DSCAM: variants seen among roughly 807,000 people sequenced by gnomAD.
DSCAM encodes the protein DS cell adhesion molecule, also known as cell adhesion molecule DSCAM.
DSCAM carries 47 observed loss-of-function variants against 217.7 expected under a neutral mutation model. That is an observed-to-expected ratio of 0.22 (90% CI 0.17 to 0.28). DSCAM has a LOEUF of 0.28. Among genes scored for constraint, DSCAM ranks in the 10% least tolerant of loss-of-function variants. The pLI is 1.00. For missense variants in DSCAM, 2,080 were observed against 2,618.3 expected (o/e 0.79, Z 4.49); for synonymous variants, 1,056 against 1,015.3 (o/e 1.04, Z -0.76).
chr21:40,190,831 C>T (rs2090945866), intron 11 of DSCAM, among the ~76,000 whole-genome samples: 1 of 152,212 alleles, frequency 6.6e-6, no homozygotes, highest in Non-Finnish European at 1.5e-5. Flanking sequence ...GATTGAGAAC[C>T]AGCCTCCCAG....
intron 9 of DSCAM, among the ~76,000 whole-genome samples, chr21:40,308,646 A>G (rs141777879): frequency 6.9e-4 from 105 of 152,126 alleles, no homozygotes; most frequent in African/African-American, 2.3e-3. Flanking sequence ...TGGGCTCTGC[A>G]CTCTCTGTCA....
chr21:40,356,802 CA>C (rs2074698341), intron 4 of DSCAM, among the ~76,000 whole-genome samples: 1 of 152,114 alleles, frequency 6.6e-6, no homozygotes, highest in African/African-American at 2.4e-5. Context: ...ACAATAACAT[CA>C]AAAAATCATT....
At chr21:40,702,980 T>C (rs955304297) in intron 2 of DSCAM, among the ~76,000 whole-genome samples, 5 of 152,230 alleles carry the variant, frequency 3.3e-5, no homozygotes, top group Middle Eastern at 3.2e-3. Flanking sequence ...ACCTAAGACA[T>C]TGTTACTATT....
In DSCAM at chr21:40,497,396, C is replaced by T. The variant is rs558352827; in HGVS notation, c.509-128151G>A. On this transcript the variant is annotated intron_variant, in intron 3 of 32. Coordinates refer to ENST00000400454, the MANE Select transcript of DSCAM (RefSeq NM_001389.5). ...ACACAAATGACAAACACTGCTTGAT[C>T]TCATATGTGAAATCTAAAAGAATTA... 3.3e-5 allele frequency among the ~76,000 whole-genome samples: 5 copies of T among 149,680 alleles called. No individual in the cohort carries two copies. In the South Asian group the frequency reaches 1.1e-3, roughly 32 times the overall value.
intron 1 of DSCAM, among the ~76,000 whole-genome samples, chr21:40,733,167 C>T (rs2091029885): frequency 1.3e-5 from 2 of 152,254 alleles, no homozygotes; most frequent in East Asian, 1.9e-4. Context: ...TTGCTGCACT[C>T]GTAAATAACC....
At chr21:40,181,882 C>T (rs569842591) in intron 14 of DSCAM, among the ~76,000 whole-genome samples, 10 of 151,796 alleles carry the variant, frequency 6.6e-5, no homozygotes, top group South Asian at 2.1e-4. Flanking sequence ...GAAGCATTCA[C>T]GAAAGAGTGG....
At chr21:40,423,249 G>C (rs919273524) in intron 3 of DSCAM, among the ~76,000 whole-genome samples, 1 of 152,156 alleles carries the variant, frequency 6.6e-6, no homozygotes, top group Non-Finnish European at 1.5e-5. Context: ...CCAAAATTTT[G>C]AGTCACGATG....
At position 40,052,364 on chromosome 21, in the gene DSCAM, G is replaced by A. The variant is rs146435567; in HGVS notation, c.5036-257C>T. On this transcript the variant is annotated intron_variant, in intron 29 of 32. Transcript: ENST00000400454. ...AGAACCATGACTATGCAGAGAAGGA[G>A]CTCTCTTTTCTCTTTGGGCTTGGCT... is the stretch of plus-strand genomic sequence containing the variant. 3.3e-5 allele frequency among the ~76,000 whole-genome samples: 5 copies of A among 152,308 alleles called. No individual in the cohort carries two copies. In the East Asian group the frequency reaches 7.7e-4, roughly 24 times the overall value.
intron 1 of DSCAM, among the ~76,000 whole-genome samples, chr21:40,745,040 C>T (rs1421712815): frequency 6.6e-6 from 1 of 151,942 alleles, no homozygotes; most frequent in Non-Finnish European, 1.5e-5. Context: ...AAAGCTTATT[C>T]GAAATCTTCA....
intron 3 of DSCAM, among the ~76,000 whole-genome samples, chr21:40,522,168 G>C (rs1214781376): frequency 6.6e-6 from 1 of 152,138 alleles, no homozygotes; most frequent in African/African-American, 2.4e-5. Flanking sequence ...ATTAAGGAGT[G>C]AGATAGAAAT....
intron 3 of DSCAM, among the ~76,000 whole-genome samples, chr21:40,519,413 T>A (rs185870333): frequency 2.6e-5 from 4 of 152,124 alleles, no homozygotes; most frequent in Non-Finnish European, 5.9e-5. Flanking sequence ...CACAAGGTAA[T>A]GGTATTAGGA....
At chr21:40,263,916 A>G (rs917180850) in intron 11 of DSCAM, among the ~76,000 whole-genome samples, 2 of 152,182 alleles carry the variant, frequency 1.3e-5, no homozygotes, top group Non-Finnish European at 2.9e-5. Flanking sequence ...TGAGACTACT[A>G]TGAACACCAC....
intron 1 of DSCAM, among the ~76,000 whole-genome samples, chr21:40,745,092 A>G (rs1309001136): frequency 6.6e-6 from 1 of 152,180 alleles, no homozygotes; most frequent in African/African-American, 2.4e-5. Context: ...GACAGAACAT[A>G]TAAAATTACC....
chr21:40,295,028 A>G (rs182591778), intron 10 of DSCAM, among the ~76,000 whole-genome samples: 98 of 152,298 alleles, frequency 6.4e-4, no homozygotes, highest in South Asian at 2.1e-3. Flanking sequence ...CAAATGTACC[A>G]TTTATTTTTC....
intron 3 of DSCAM, among the ~76,000 whole-genome samples, chr21:40,684,792 A>C (rs1423465317): frequency 6.6e-6 from 1 of 152,214 alleles, no homozygotes; most frequent in African/African-American, 2.4e-5. Flanking sequence ...ATTCTTTCCT[A>C]AATGATCCTG....
At chr21:40,419,324 G>C (rs1180233595) in intron 3 of DSCAM, among the ~76,000 whole-genome samples, 1 of 152,072 alleles carries the variant, frequency 6.6e-6, no homozygotes, top group African/African-American at 2.4e-5. Context: ...ATAAAATCCT[G>C]TGTTTTCAGA....
chr21:40,282,590 C>CAAGAAAAAAAA (rs2073776612), intron 10 of DSCAM, among the ~76,000 whole-genome samples: 1 of 32,952 alleles, frequency 3.0e-5, no homozygotes, highest in African/African-American at 5.8e-5. Flanking sequence ...GACTCTGTCT[C>CAAGAAAAAAAA]AAAAAAAAAA....
At chr21:40,721,803 C>G (rs2090903413) in intron 1 of DSCAM, among the ~76,000 whole-genome samples, 2 of 151,936 alleles carry the variant, frequency 1.3e-5, no homozygotes, top group African/African-American at 4.8e-5. Context: ...ACTAGAACCT[C>G]AACTATCCAT....
chr21:40,713,942 T>C (rs1008215653), intron 1 of DSCAM, among the ~76,000 whole-genome samples: 6 of 152,190 alleles, frequency 3.9e-5, no homozygotes, highest in Admixed American at 3.3e-4. Flanking sequence ...TGTGACAAAG[T>C]ATTCCTCAGC....
Sources: gnomAD v4.1 joint callset for allele counts (sites outside exome capture counted in the v4.1 genomes callset) on GRCh38, gnomAD v4.1.1 for gene constraint, MANE v1.5 for transcripts, NCBI Gene and HGNC (gene_info 2026-07-23, HGNC 2026-07-21) for gene names.